PSD3: variants seen among roughly 807,000 people sequenced by gnomAD.
PSD3 encodes PH and SEC7 domain-containing protein 3.
In PSD3, 49 loss-of-function variants were observed where a neutral mutation model predicts 105.5. The observed-to-expected ratio is 0.46, with a 90% CI of 0.37 to 0.59. The LOEUF (loss-of-function observed/expected upper bound fraction) is 0.59. Ranked by LOEUF, PSD3 falls within the 20% of genes least tolerant of loss-of-function variation. The probability of loss-of-function intolerance (pLI) is 0.00; values close to 1 mark genes in which losing one functional copy is unlikely to be tolerated. For missense variants in PSD3, 1,561 were observed against 1,263.8 expected (o/e 1.24, Z -3.57); for synonymous variants, 557 against 457.8 (o/e 1.22, Z -2.77).
chr8:18,656,009 T>C (rs1057235592), intron 9 of PSD3, among the ~76,000 whole-genome samples: 2 of 152,174 alleles, frequency 1.3e-5, no homozygotes, highest in African/African-American at 4.8e-5. Flanking sequence ...ATATTGAAAA[T>C]ATGGTCTTGT....
At chr8:18,902,270 T>C (rs1819552573) in intron 2 of PSD3, among the ~76,000 whole-genome samples, 1 of 152,234 alleles carries the variant, frequency 6.6e-6, no homozygotes, top group South Asian at 2.1e-4. Flanking sequence ...TCAAGTCTTC[T>C]ATTGAAGGTC....
chr8:18,857,465 A>G (rs1476660217), intron 4 of PSD3, among the ~76,000 whole-genome samples: 2 of 152,186 alleles, frequency 1.3e-5, no homozygotes, highest in Non-Finnish European at 2.9e-5. Flanking sequence ...GCGCATCAGA[A>G]TCACCGGGGA....
chr8:18,537,184 T>C (rs944701661), intron 15 of PSD3, among the ~76,000 whole-genome samples: 1 of 152,200 alleles, frequency 6.6e-6, no homozygotes, highest in Admixed American at 6.5e-5. Flanking sequence ...TGACATTTAT[T>C]GAGTACCAAC....
rs966735897 is a variant in PSD3, at chr8:18,935,998, A to G, written c.130+36T>C. 5 of 1,347,500 alleles carry G rather than the reference A, an allele frequency of 3.7e-6. No homozygotes were observed. The African/African-American group carries it at 5.8e-5, about 16-fold the overall frequency. 83.5% of individuals were successfully genotyped at this position (1,347,500 alleles called of 1,614,324 possible). On this transcript the variant is annotated intron_variant, in intron 2 of 15. Coordinates refer to ENST00000327040, the MANE Select transcript of PSD3 (RefSeq NM_015310.4). ...ACTTTGAAATCACAGCTCTTCATAT[A>G]GTTTACCTGGGAGAGGGATATGAGG...
chr8:18,655,751 A>G (rs1388001241), intron 9 of PSD3, 66 bp from the exon 10 acceptor site: 1 of 1,459,662 alleles, frequency 6.9e-7, no homozygotes, highest in Non-Finnish European at 9.6e-7. Flanking sequence ...AATTCAGCAA[A>G]TGACCAAGTA....
At chr8:19,067,827 G>C (rs966912227) in intron 1 of PSD3, among the ~76,000 whole-genome samples, 1 of 152,172 alleles carries the variant, frequency 6.6e-6, no homozygotes, top group Non-Finnish European at 1.5e-5. Flanking sequence ...CCAGCCCTCT[G>C]GACCTTTTTC....
chr8:19,008,864 T>G (rs1826824657), intron 1 of PSD3, among the ~76,000 whole-genome samples: 1 of 152,160 alleles, frequency 6.6e-6, no homozygotes, highest in Non-Finnish European at 1.5e-5. Context: ...TCCTCATTGT[T>G]TCAAGCTCCT....
intron 8 of PSD3, among the ~76,000 whole-genome samples, chr8:18,766,959 G>C (rs865782549): frequency 2.0e-5 from 3 of 152,180 alleles, no homozygotes; most frequent in African/African-American, 7.2e-5. Context: ...CTACCTTCCA[G>C]GGAGATATGC....
At chr8:18,987,783 G>A (rs925175133) in intron 1 of PSD3, among the ~76,000 whole-genome samples, 4 of 151,920 alleles carry the variant, frequency 2.6e-5, no homozygotes, top group Admixed American at 6.6e-5. Context: ...ACTGCACTCC[G>A]GCCTAGGCAA....
chr8:18,996,255 C>T lies in PSD3; in HGVS notation c.21+17308G>A, dbSNP rs143694155. Among the ~76,000 whole-genome samples the T allele has an allele frequency of 5.9e-5, 9 of 151,906 alleles. 1 individual carries two copies. The highest frequency in any genetic ancestry group is 2.1e-4 in the South Asian group (1 of 4,778). ...TGTGATCTTATACATGCTTAATGGACGGTGGGGAATCTGTGCCTCAGATGA... is the reference window on the plus strand; with the variant it reads ...TGTGATCTTATACATGCTTAATGGATGGTGGGGAATCTGTGCCTCAGATGA... On this transcript the variant is annotated intron_variant, in intron 1 of 15. Coordinates refer to ENST00000327040, the MANE Select transcript of PSD3 (RefSeq NM_015310.4).
chr8:18,765,430 C>A lies in PSD3; in HGVS notation c.2172+19G>T. The A allele has an allele frequency of 6.4e-7, 1 of 1,573,310 alleles. No individual in the cohort carries two copies. Among genetic ancestry groups the A allele is most frequent in the Non-Finnish European group, 8.7e-7 (1 of 1,142,922 alleles). ...CAGAAATACAAGCATACACTAAAAACCAATAGTTCCATGCTTACTTTCAGC... is the reference window on the plus strand; with the variant it reads ...CAGAAATACAAGCATACACTAAAAAACAATAGTTCCATGCTTACTTTCAGC... On this transcript the variant is annotated intron_variant, in intron 9 of 15. Transcript: ENST00000327040.
intron 15 of PSD3, among the ~76,000 whole-genome samples, chr8:18,537,392 T>C (rs969242971): frequency 1.1e-4 from 17 of 152,306 alleles, no homozygotes; most frequent in African/African-American, 4.1e-4. Context: ...TATGAAAATA[T>C]AGATTATATG....
intron 9 of PSD3, chr8:18,733,808 A>C (rs776090438): frequency 6.6e-6 from 1 of 152,666 alleles, no homozygotes; most frequent in Non-Finnish European, 1.5e-5. Context: ...TCTGCAATGT[A>C]GTAGAAAGGC....
At chr8:18,769,726 A>C (rs1327191268) in intron 8 of PSD3, among the ~76,000 whole-genome samples, 1 of 152,242 alleles carries the variant, frequency 6.6e-6, no homozygotes, top group African/African-American at 2.4e-5. Flanking sequence ...AATAAATGGA[A>C]TCATATAAAA....
intron 12 of PSD3, among the ~76,000 whole-genome samples, chr8:18,576,957 T>C (rs536132160): frequency 1.3e-5 from 2 of 152,166 alleles, no homozygotes; most frequent in Admixed American, 6.6e-5. Context: ...CCTATTTTCT[T>C]TGAATTAATA....
At chr8:18,708,343 A>C (rs757728778) in intron 9 of PSD3, among the ~76,000 whole-genome samples, 2 of 152,186 alleles carry the variant, frequency 1.3e-5, no homozygotes, top group Non-Finnish European at 2.9e-5. Context: ...ACCTAGCTCA[A>C]TACAAGGGTG....
chr8:18,854,103 T>C (rs1385419162), intron 4 of PSD3: 1 of 152,244 alleles, frequency 6.6e-6, no homozygotes, highest in Non-Finnish European at 1.5e-5. Context: ...GTTACCTTCG[T>C]CAGCAAACAG....
At chr8:18,846,444 C>A (rs770348732) in intron 4 of PSD3, among the ~76,000 whole-genome samples, 2 of 152,130 alleles carry the variant, frequency 1.3e-5, no homozygotes, top group Non-Finnish European at 2.9e-5. Context: ...CCACGCCCTG[C>A]AGGGAAACAT....
chr8:18,554,538 A>T (rs950766200), intron 15 of PSD3, among the ~76,000 whole-genome samples: 3 of 152,192 alleles, frequency 2.0e-5, no homozygotes, highest in Non-Finnish European at 4.4e-5. Context: ...AAACTAGTAC[A>T]TGGAACTGTA....
Sources: allele counts gnomAD v4.1 joint callset (sites outside exome capture counted in the v4.1 genomes callset), GRCh38; gene constraint gnomAD v4.1.1; transcripts MANE v1.5; gene names NCBI Gene and HGNC (gene_info 2026-07-23, HGNC 2026-07-21).